Variants in RNF43 observed in about 807,000 individuals in gnomAD.
RNF43 encodes E3 ubiquitin-protein ligase RNF43.
Under a neutral mutation model 78.4 loss-of-function variants are expected in RNF43, and 37 were observed. The ratio of observed to expected loss-of-function variants is 0.47; its 90% CI spans 0.36 to 0.62. The LOEUF is 0.62. Ranked by LOEUF, RNF43 falls within the 20% of genes least tolerant of loss-of-function variation. The pLI, the probability that RNF43 is intolerant of heterozygous loss-of-function variation, is 0.00. For missense variants in RNF43, 774 were observed against 1,007.9 expected (o/e 0.77, Z 3.14); for synonymous variants, 347 against 395.0 (o/e 0.88, Z 1.44).
chr17:58,360,438 A>G lies in RNF43; in HGVS notation c.850-187T>C, dbSNP rs1027980417. Among the ~76,000 whole-genome samples the G allele has an allele frequency of 1.3e-5, 2 of 152,222 alleles. No individual in the cohort carries two copies. The highest frequency in any genetic ancestry group is 2.9e-5 in the Non-Finnish European group (2 of 68,044). ...CCTGGATTTTGCACTTAGCTGCATG[A>G]CGTTGGGCAACTTTCTTAACAGACA... On this transcript the variant is annotated intron_variant, in intron 7 of 9. Coordinates refer to ENST00000407977, the MANE Select transcript of RNF43 (RefSeq NM_017763.6). This position sits in a 1 kb window ranked among gnomAD's most constrained non-coding sequence, Gnocchi z 4.3.
rs761371658 is a variant in RNF43, at chr17:58,400,162, G to T, written c.252+15164C>A. Among the ~76,000 whole-genome samples the T allele has an allele frequency of 2.6e-5, 4 of 152,082 alleles. No homozygotes were observed. In the South Asian group the frequency reaches 8.3e-4, roughly 31 times the overall value. Reference sequence around the variant, plus strand: ...GTCCAGGGCAGATAAGTGATTCACCGTACCACAAGTAACAGGTATTAAGTT... The same window carrying T: ...GTCCAGGGCAGATAAGTGATTCACCTTACCACAAGTAACAGGTATTAAGTT... On this transcript the variant is annotated intron_variant, in intron 2 of 9. Coordinates refer to ENST00000407977, the MANE Select transcript of RNF43 (RefSeq NM_017763.6).
chr17:58,363,178 C>G (rs1363171934), intron 5 of RNF43, 97 bp downstream of exon 5: 1 of 1,452,416 alleles, frequency 6.9e-7, no homozygotes, highest in Non-Finnish European at 9.3e-7. Flanking sequence ...TCCAGGATCT[C>G]TCGCAGCTCC....
At chr17:58,375,913 C>T (rs190643422) in intron 2 of RNF43, among the ~76,000 whole-genome samples, 1 of 152,220 alleles carries the variant, frequency 6.6e-6, no homozygotes, top group East Asian at 1.9e-4. Context: ...AAAGTTCTCC[C>T]TTCCTGGCTT....
At chr17:58,404,960 C>T (rs1973874076) in intron 2 of RNF43, among the ~76,000 whole-genome samples, 1 of 149,582 alleles carries the variant, frequency 6.7e-6, no homozygotes, top group Non-Finnish European at 1.5e-5. Flanking sequence ...TCATTCTAGA[C>T]TCCTAAAGAA....
intron 2 of RNF43, among the ~76,000 whole-genome samples, chr17:58,400,000 T>C (rs892619883): frequency 5.3e-5 from 8 of 152,196 alleles, no homozygotes; most frequent in African/African-American, 1.9e-4. Context: ...AAGAGTGATA[T>C]ATAATGTGGT....
At chr17:58,405,727 A>AAAGT (rs1290615018) in intron 2 of RNF43, among the ~76,000 whole-genome samples, 1 of 151,462 alleles carries the variant, frequency 6.6e-6, no homozygotes, top group Admixed American at 6.6e-5. Context: ...AGAAAGAAAG[A>AAAGT]AAGAAAGAAA....
At chr17:58,391,643 G>A (rs146142606) in intron 2 of RNF43, among the ~76,000 whole-genome samples, 2 of 152,200 alleles carry the variant, frequency 1.3e-5, no homozygotes, top group Non-Finnish European at 2.9e-5. Flanking sequence ...CTGAGTTAAC[G>A]ATTACAGGCA....
chr17:58,371,174 T>C, intron 2 of RNF43, 141 bp from the exon 3 acceptor site: 2 of 785,182 alleles, frequency 2.5e-6, no homozygotes, highest in South Asian at 7.3e-5. Context: ...ATGATTGGAT[T>C]GCCTCTTAGT....
rs1001283524 is a variant in RNF43, at chr17:58,357,898, T to A, written c.1878A>T (p.Pro626=). 2 of 1,612,838 alleles carry A rather than the reference T, an allele frequency of 1.2e-6. No individual in the cohort carries two copies. Among genetic ancestry groups the A allele is most frequent in the African/African-American group, 1.3e-5 (1 of 74,606 alleles). Residue 626 remains proline, a synonymous_variant, in exon 9 of 10, where the codon CCA becomes CCT. Transcript: ENST00000407977. This position sits in a 1 kb window ranked among gnomAD's most constrained non-coding sequence, Gnocchi z 4.5. Reference sequence around the variant, plus strand: ...TGGGGCAGATGCTGGAGGCGTCAACTGGGCCAGGGGCTGGCTCAGGGAGGG... The same window carrying A: ...TGGGGCAGATGCTGGAGGCGTCAACAGGGCCAGGGGCTGGCTCAGGGAGGG... ...PRALPEPAPG[P]VDASSICPST... is the part of the protein sequence containing the mutation.
intron 2 of RNF43, among the ~76,000 whole-genome samples, chr17:58,390,366 T>C (rs1973526570): frequency 1.3e-5 from 2 of 152,218 alleles, no homozygotes; most frequent in African/African-American, 2.4e-5. Flanking sequence ...CATTTTTCTT[T>C]AGTTGAAGAA....
chr17:58,379,388 G>A (rs760156909), intron 2 of RNF43, among the ~76,000 whole-genome samples: 13 of 152,124 alleles, frequency 8.5e-5, no homozygotes, highest in Non-Finnish European at 1.5e-4. Context: ...AGACCCAGAC[G>A]CTGCTCAGAG....
At chr17:58,403,293 T>C (rs1225404054) in intron 2 of RNF43, among the ~76,000 whole-genome samples, 2 of 152,224 alleles carry the variant, frequency 1.3e-5, no homozygotes, top group Non-Finnish European at 2.9e-5. Context: ...TCAAAATAAA[T>C]TCTAGGCACT....
intron 3 of RNF43, among the ~76,000 whole-genome samples, chr17:58,367,013 G>A (rs1469234138): frequency 2.8e-5 from 1 of 35,678 alleles, no homozygotes; most frequent in Non-Finnish European, 5.7e-5. Flanking sequence ...TTTTTTTTTT[G>A]AGACGGAGTC....
intron 2 of RNF43, among the ~76,000 whole-genome samples, chr17:58,413,799 G>A (rs1254978489): frequency 6.6e-6 from 1 of 152,106 alleles, no homozygotes; most frequent in Non-Finnish European, 1.5e-5. Flanking sequence ...ATTATTTTAT[G>A]GAACACATAA....
intron 2 of RNF43, among the ~76,000 whole-genome samples, chr17:58,409,534 T>C (rs1016802629): frequency 5.9e-5 from 9 of 152,194 alleles, no homozygotes; most frequent in African/African-American, 1.7e-4. Context: ...AGCAAAACCA[T>C]GATCTCCAGG....
At chr17:58,377,899 C>G (rs12601867) in intron 2 of RNF43, among the ~76,000 whole-genome samples, 57,166 of 151,708 alleles carry the variant, frequency 0.38, 11,471 homozygotes, top group East Asian at 0.52. Flanking sequence ...ACCTCCATTA[C>G]CTGAACTTTT....
Position 58,415,586 on chromosome 17 carries a change from C to T in RNF43, c.-9G>A, listed in dbSNP as rs201981237. On this transcript the variant is annotated 5_prime_UTR_variant, in exon 2 of 10. Transcript: ENST00000407977. The stretch of plus-strand genomic sequence containing the variant: ...TGGTGGCCACCACTCATGCTACCAG[C>T]TGCAGCAATGCACTTCAACCATACA... 1.9e-5 allele frequency: 30 copies of T among 1,605,004 alleles called. No individual in the cohort carries two copies. Among genetic ancestry groups the T allele is most frequent in the Non-Finnish European group, 2.5e-5 (29 of 1,179,914 alleles).
intron 2 of RNF43, among the ~76,000 whole-genome samples, chr17:58,372,767 G>A (rs965130906): frequency 1.3e-5 from 2 of 152,212 alleles, no homozygotes; most frequent in African/African-American, 4.8e-5. Context: ...AGAGGTGACT[G>A]GAGAGCTACC....
At chr17:58,386,408 CAGAG>C (rs1234742468) in intron 2 of RNF43, among the ~76,000 whole-genome samples, 1 of 152,132 alleles carries the variant, frequency 6.6e-6, no homozygotes, top group Non-Finnish European at 1.5e-5. Context: ...GCCTGGGCAA[CAGAG>C]AGAGACTCTG....
Sources: gnomAD v4.1 joint callset for allele counts (sites outside exome capture counted in the v4.1 genomes callset) on GRCh38, gnomAD v4.1.1 for gene constraint, Gnocchi (gnomAD v3.1) non-coding constraint, MANE v1.5 for transcripts, NCBI Gene and HGNC (gene_info 2026-07-23, HGNC 2026-07-21) for gene names.